SCLT1: variants seen among roughly 807,000 people sequenced by gnomAD.
SCLT1 encodes sodium channel and clathrin linker 1.
SCLT1 carries 78 observed loss-of-function variants against 112.8 expected under a neutral mutation model. The ratio of observed to expected loss-of-function variants is 0.69; its 90% CI spans 0.58 to 0.83. The LOEUF is 0.83. Ranked by LOEUF, SCLT1 falls within the 40% of genes least tolerant of loss-of-function variation. SCLT1 has a pLI of 0.00. For synonymous variants in SCLT1, 257 were observed against 254.7 expected, an observed-to-expected ratio of 1.01 and a Z score of -0.09; for missense variants, 747 against 770.4, an observed-to-expected ratio of 0.97 and a Z score of 0.36.
In SCLT1 at chr4:128,952,856, T is replaced by C. The variant is rs1194837945; in HGVS notation, c.1147-16A>G. The C allele has an allele frequency of 2.5e-5, 31 of 1,235,560 alleles. No individual in the cohort carries two copies. The highest frequency in any genetic ancestry group is 1.8e-4 in the African/African-American group (12 of 67,382). The allele number at this position is 1,235,560 out of a possible 1,614,324, so 76.5% of individuals were successfully genotyped here. A position where few individuals can be genotyped will look rare whatever the true frequency, so the allele number is the denominator to read the frequency against. The stretch of plus-strand genomic sequence containing the variant: ...TGTTTGCAACCTGTAAATTAAGACA[T>C]TTACTCATTATTTGGTTCTAGAATA... On this transcript the variant is annotated splice_polypyrimidine_tract_variant and intron_variant, in intron 13 of 20. Coordinates refer to ENST00000281142, the MANE Select transcript of SCLT1 (RefSeq NM_144643.4).
At chr4:128,983,537 A>G (rs1019393099) in intron 9 of SCLT1, among the ~76,000 whole-genome samples, 1 of 152,196 alleles carries the variant, frequency 6.6e-6, no homozygotes, top group Non-Finnish European at 1.5e-5. Flanking sequence ...AAATTTTCTG[A>G]GAAACAGAAT....
intron 1 of SCLT1, among the ~76,000 whole-genome samples, chr4:129,086,949 C>T (rs1752445998): frequency 6.6e-6 from 1 of 151,928 alleles, no homozygotes; most frequent in South Asian, 2.1e-4. Context: ...AAAAAGCAAG[C>T]AAAAAAATCA....
intron 5 of SCLT1, among the ~76,000 whole-genome samples, chr4:129,026,863 G>C (rs537785559): frequency 2.6e-5 from 4 of 152,280 alleles, no homozygotes; most frequent in Admixed American, 2.6e-4. Context: ...AAATGATAAA[G>C]GGGATATCAC....
intron 3 of SCLT1, 105 bp from the exon 4 acceptor site, chr4:129,043,572 C>T (rs1747903405): frequency 1.7e-6 from 1 of 585,550 alleles, no homozygotes. Context: ...TTAGTTTACT[C>T]ATGCAATAAA....
intron 1 of SCLT1, among the ~76,000 whole-genome samples, chr4:129,085,511 G>A (rs1330799107): frequency 6.6e-6 from 1 of 152,118 alleles, no homozygotes; most frequent in East Asian, 1.9e-4. Context: ...TCCCATTACT[G>A]AGTATACACC....
intron 2 of SCLT1, among the ~76,000 whole-genome samples, chr4:129,044,434 G>A (rs550610526): frequency 3.2e-4 from 48 of 151,524 alleles, no homozygotes; most frequent in African/African-American, 1.1e-3. Context: ...GATAATACAC[G>A]AAAAGTCACC....
intron 18 of SCLT1, among the ~76,000 whole-genome samples, chr4:128,915,577 C>A (rs1735410200): frequency 6.6e-6 from 1 of 152,132 alleles, no homozygotes; most frequent in Admixed American, 6.5e-5. Flanking sequence ...CTGTTAAATA[C>A]TGGGGGCACA....
chr4:128,887,618 T>A (rs1308050878), intron 20 of SCLT1, among the ~76,000 whole-genome samples: 1 of 152,190 alleles, frequency 6.6e-6, no homozygotes, highest in Admixed American at 6.5e-5. Flanking sequence ...CTGTGTCTAG[T>A]CTATAATCAC....
chr4:128,948,175 A>T (rs1355944152), intron 15 of SCLT1, among the ~76,000 whole-genome samples: 1 of 151,810 alleles, frequency 6.6e-6, no homozygotes, highest in Non-Finnish European at 1.5e-5. Context: ...CTCTACTAAA[A>T]ATACAAAAAA....
chr4:129,009,812 T>C (rs1029283591), intron 5 of SCLT1, among the ~76,000 whole-genome samples: 20 of 152,222 alleles, frequency 1.3e-4, no homozygotes, highest in African/African-American at 4.8e-4. Flanking sequence ...TTGATTTTTA[T>C]TGTAAATTTA....
chr4:128,907,630 G>C (rs1436593726), intron 18 of SCLT1, among the ~76,000 whole-genome samples: 2 of 152,164 alleles, frequency 1.3e-5, no homozygotes, highest in East Asian at 3.8e-4. Flanking sequence ...ACTCAGTAGA[G>C]AGTTGGAAAT....
chr4:128,928,019 T>C (rs1238745692), intron 18 of SCLT1, among the ~76,000 whole-genome samples: 3 of 151,994 alleles, frequency 2.0e-5, no homozygotes, highest in African/African-American at 7.3e-5. Flanking sequence ...TCTATAAAAA[T>C]ATAATTTACC....
chr4:129,020,572 AAAG>A (rs1745376645), intron 5 of SCLT1, among the ~76,000 whole-genome samples: 1 of 152,198 alleles, frequency 6.6e-6, no homozygotes, highest in African/African-American at 2.4e-5. Context: ...TTTGGCTGGA[AAAG>A]AAGAAGGAGC....
chr4:129,047,516 T>C (rs1422618388), intron 2 of SCLT1, among the ~76,000 whole-genome samples: 3 of 152,066 alleles, frequency 2.0e-5, no homozygotes, highest in African/African-American at 2.4e-5. Context: ...TTCATATAAA[T>C]TTTGAAAACA....
Position 128,891,103 on chromosome 4 carries a change from C to G in SCLT1, c.1864G>C (p.Glu622Gln), listed in dbSNP as rs756848481. The change falls in exon 19 of 21, where the codon GAG (glutamate) becomes CAG (glutamine). Residue 622 changes from glutamate (E) to glutamine (Q), a missense_variant. By Grantham distance (29) the Glu-to-Gln change is conservative. Coordinates refer to ENST00000281142, the MANE Select transcript of SCLT1 (RefSeq NM_144643.4). ...GCCATTTCCAGCTGAGAAAGCAGCTCTTGGGTATGAAGTTTCTGTCGACTC... is the reference window on the plus strand; with the variant it reads ...GCCATTTCCAGCTGAGAAAGCAGCTGTTGGGTATGAAGTTTCTGTCGACTC... ...ELSRQKLHTQELLSQLEMANE... is the reference protein window; with the variant it reads ...ELSRQKLHTQQLLSQLEMANE... 2 of 1,612,982 alleles carry G rather than the reference C, an allele frequency of 1.2e-6. No homozygotes were observed. Among genetic ancestry groups the G allele is most frequent in the Admixed American group, 3.3e-5 (2 of 59,842 alleles).
intron 9 of SCLT1, among the ~76,000 whole-genome samples, chr4:128,973,925 T>C (rs1162617943): frequency 3.3e-5 from 5 of 151,986 alleles, no homozygotes; most frequent in Non-Finnish European, 1.5e-5. Context: ...TGGCAGGAAG[T>C]GTTGAAAAAA....
rs144031319 is a variant in SCLT1, at chr4:129,049,956, T to C, written c.103-5905A>G. Among the ~76,000 whole-genome samples, 1,456 of 152,292 alleles carry C rather than the reference T, an allele frequency of 9.6e-3. 17 individuals carry two copies. Among genetic ancestry groups the C allele is most frequent in the African/African-American group, 0.028 (1,169 of 41,564 alleles). On this transcript the variant is annotated intron_variant, in intron 2 of 20. Transcript: ENST00000281142. ...TCCTTGTGTCCCTGTGTTGTCATTG[T>C]TCAACTCCCACTTATGAGTGAAAAC...
At chr4:128,924,169 C>G (rs558821382) in intron 18 of SCLT1, among the ~76,000 whole-genome samples, 5 of 152,040 alleles carry the variant, frequency 3.3e-5, no homozygotes, top group Non-Finnish European at 7.4e-5. Context: ...AAATCAAGTA[C>G]TTTGTCAGAT....
At chr4:129,086,798 AG>A (rs1752432663) in intron 1 of SCLT1, among the ~76,000 whole-genome samples, 1 of 151,126 alleles carries the variant, frequency 6.6e-6, no homozygotes, top group Non-Finnish European at 1.5e-5. Flanking sequence ...AAGGGCTCAA[AG>A]GATGAGGAGG....
Sources: allele counts gnomAD v4.1 joint callset (sites outside exome capture counted in the v4.1 genomes callset), GRCh38; gene constraint gnomAD v4.1.1; transcripts MANE v1.5; gene names NCBI Gene and HGNC (gene_info 2026-07-23, HGNC 2026-07-21).